CSMD3: variants seen among roughly 807,000 people sequenced by gnomAD.
CSMD3 encodes CUB and Sushi multiple domains 3.
Under a neutral mutation model 435.2 loss-of-function variants are expected in CSMD3, and 177 were observed. The ratio of observed to expected loss-of-function variants is 0.41; its 90% CI spans 0.36 to 0.46. The LOEUF is 0.46. Ranked by LOEUF, CSMD3 falls within the 20% of genes least tolerant of loss-of-function variation. The probability of loss-of-function intolerance (pLI) is 0.34; values close to 1 mark genes in which losing one functional copy is unlikely to be tolerated. For missense variants in CSMD3, 4,265 were observed against 4,504.6 expected, an observed-to-expected ratio of 0.95 and a Z score of 1.52; for synonymous variants, 1,656 against 1,520.5, an observed-to-expected ratio of 1.09 and a Z score of -2.07.
At chr8:113,276,302 G>A (rs1034559325) in intron 3 of CSMD3, among the ~76,000 whole-genome samples, 4 of 152,118 alleles carry the variant, frequency 2.6e-5, no homozygotes, top group Non-Finnish European at 5.9e-5. Flanking sequence ...CAATCACACG[G>A]ACTTTAAAAG....
chr8:113,094,778 T>A (rs77283321), intron 5 of CSMD3, among the ~76,000 whole-genome samples: 189 of 152,110 alleles, frequency 1.2e-3, no homozygotes, highest in African/African-American at 4.4e-3. Context: ...ATGTATTCAA[T>A]TATCATATGT....
rs2131320174 is a variant in CSMD3 at position 112,578,398 on chromosome 8, T to G, written c.3886-4741A>C. Among the ~76,000 whole-genome samples the G allele has an allele frequency of 2.0e-5, 3 of 152,006 alleles. No individual in the cohort carries two copies. In the Middle Eastern group the frequency reaches 0.01, roughly 517 times the overall value. ...AGTTCTGCAGCTTATTACAAATCAT[T>G]TTATTTTCCTTATCCTTAATGGAAG... On this transcript the variant is annotated intron_variant, in intron 23 of 70. Coordinates refer to ENST00000297405, the MANE Select transcript of CSMD3 (RefSeq NM_198123.2).
chr8:113,337,345 G>A (rs765567816), intron 1 of CSMD3, among the ~76,000 whole-genome samples: 2 of 152,074 alleles, frequency 1.3e-5, no homozygotes, highest in South Asian at 2.1e-4. Context: ...GGAAGAGCAA[G>A]TCTGGCCACA....
At chr8:113,219,776 T>C (rs1372456574) in intron 3 of CSMD3, among the ~76,000 whole-genome samples, 1 of 151,364 alleles carries the variant, frequency 6.6e-6, no homozygotes, top group Non-Finnish European at 1.5e-5. Context: ...CCAGCTACAA[T>C]AAAATATGTA....
chr8:112,629,884 T>A (rs1300205992), intron 22 of CSMD3, among the ~76,000 whole-genome samples: 1 of 152,136 alleles, frequency 6.6e-6, no homozygotes, highest in Non-Finnish European at 1.5e-5. Context: ...TTATGTTACC[T>A]TCTATAAAAC....
intron 1 of CSMD3, chr8:113,377,090 T>C (rs980783057): frequency 1.5e-6 from 2 of 1,293,012 alleles, no homozygotes; most frequent in African/African-American, 3.0e-5. Context: ...CAGCTGGCGC[T>C]GGACTCCCCC....
At chr8:112,748,616 G>A (rs562364053) in intron 13 of CSMD3, among the ~76,000 whole-genome samples, 1 of 152,150 alleles carries the variant, frequency 6.6e-6, no homozygotes, top group Non-Finnish European at 1.5e-5. Context: ...CCCGCAATTA[G>A]TTTACTAAGG....
intron 5 of CSMD3, among the ~76,000 whole-genome samples, chr8:113,057,140 A>G (rs1416821981): frequency 2.0e-5 from 3 of 152,142 alleles, no homozygotes; most frequent in Non-Finnish European, 4.4e-5. Context: ...CTGTACTACA[A>G]TGTCTAACCC....
chr8:112,432,734 C>T (rs1813848690), intron 32 of CSMD3, among the ~76,000 whole-genome samples: 1 of 151,858 alleles, frequency 6.6e-6, no homozygotes, highest in Non-Finnish European at 1.5e-5. Context: ...AAGTATGAAC[C>T]GGTTTGGGAA....
intron 10 of CSMD3, among the ~76,000 whole-genome samples, chr8:112,893,425 AT>A (rs1342812971): frequency 5.3e-5 from 8 of 151,480 alleles, no homozygotes; most frequent in African/African-American, 1.9e-4. Context: ...CAATAATGCA[AT>A]TAAATTAAAA....
chr8:112,574,477 G>C (rs904945708), intron 23 of CSMD3, among the ~76,000 whole-genome samples: 6 of 151,884 alleles, frequency 4.0e-5, no homozygotes, highest in African/African-American at 1.4e-4. Context: ...CAGCAAAAAA[G>C]TTCTAGAAAT....
In CSMD3 at chr8:112,378,705, G is replaced by A. The variant is rs75462502; in HGVS notation, c.6136+1647C>T. On this transcript the variant is annotated intron_variant, in intron 38 of 70. Coordinates refer to ENST00000297405, the MANE Select transcript of CSMD3 (RefSeq NM_198123.2). ...GTTGGTTAATGGGTTCAAAAATACA[G>A]TTAGATAGAAATAATAAATTCTGAT... Among the ~76,000 whole-genome samples, 675 of 152,242 alleles carry A rather than the reference G, an allele frequency of 4.4e-3. 6 individuals carry two copies. The highest frequency in any genetic ancestry group is 0.016 in the African/African-American group (649 of 41,552).
chr8:112,829,558 T>C, intron 12 of CSMD3, 128 bp downstream of exon 12: 1 of 707,284 alleles, frequency 1.4e-6, no homozygotes. Context: ...AAGTTAACAA[T>C]AATAACTAAG....
chr8:113,372,123 T>C (rs895354771), intron 1 of CSMD3, among the ~76,000 whole-genome samples: 3 of 152,178 alleles, frequency 2.0e-5, no homozygotes, highest in African/African-American at 7.2e-5. Flanking sequence ...GCAATTTTTA[T>C]CTTATATTTT....
chr8:113,291,326 A>G (rs1269619883), intron 2 of CSMD3, among the ~76,000 whole-genome samples: 1 of 151,816 alleles, frequency 6.6e-6, no homozygotes, highest in Non-Finnish European at 1.5e-5. Flanking sequence ...ATTAGATTAA[A>G]GTAACTCATC....
intron 3 of CSMD3, among the ~76,000 whole-genome samples, chr8:113,256,949 G>C (rs543414370): frequency 3.3e-5 from 5 of 152,134 alleles, no homozygotes; most frequent in Non-Finnish European, 7.4e-5. Flanking sequence ...CAGATTACCA[G>C]ATAGTTCTTA....
chr8:112,800,198 T>C lies in CSMD3; in HGVS notation c.1936A>G (p.Ser646Gly), dbSNP rs1181595693. 1 of 1,612,776 alleles carries C rather than the reference T, an allele frequency of 6.2e-7. No individual in the cohort carries two copies. Among genetic ancestry groups the C allele is most frequent in the South Asian group, 1.1e-5 (1 of 91,056 alleles). ...ACCTTGAAACCAACAGATCCAACAC[T>C]TTCGTCCGTTTGAAGGTGCAGCCAC... ...QMWLHLQTDE[S>G]VGSVGFKVNY... Residue 646 changes from serine to glycine, a missense_variant, in exon 13 of 71, where the codon AGT (serine) becomes GGT (glycine). Physicochemically the swap from Ser to Gly is moderately conservative, Grantham distance 56. Around this residue, in one of 3 missense-constraint regions of CSMD3, gnomAD observed 279 missense variants for 369.0 expected, o/e 0.76. Transcript: ENST00000297405.
intron 10 of CSMD3, among the ~76,000 whole-genome samples, chr8:112,870,313 G>C (rs1454759275): frequency 1.3e-5 from 2 of 150,056 alleles, no homozygotes; most frequent in Non-Finnish European, 3.0e-5. Flanking sequence ...TTGTTGCCCA[G>C]GCTGGAGTGC....
intron 6 of CSMD3, among the ~76,000 whole-genome samples, chr8:113,016,391 G>T (rs2086460053): frequency 6.6e-6 from 1 of 151,626 alleles, no homozygotes; most frequent in African/African-American, 2.4e-5. Flanking sequence ...GTTATATTTG[G>T]GAAAGCACAG....
Sources: allele counts gnomAD v4.1 joint callset (sites outside exome capture counted in the v4.1 genomes callset), GRCh38; gene constraint gnomAD v4.1.1; regional missense constraint gnomAD v4.1.1; transcripts MANE v1.5; gene names NCBI Gene and HGNC (gene_info 2026-07-23, HGNC 2026-07-21).